NLGN1: variants seen among roughly 807,000 people sequenced by gnomAD.
NLGN1 encodes neuroligin 1.
A neutral mutation model predicts 65.5 loss-of-function variants in NLGN1; 12 were observed. The observed-to-expected ratio is 0.18, with a 90% confidence interval of 0.12 to 0.30. The LOEUF is 0.30. Ranked by LOEUF, NLGN1 falls within the 10% of genes least tolerant of loss-of-function variation. The pLI is 1.00. For missense variants in NLGN1, 750 were observed against 1,007.1 expected (o/e 0.74, Z 3.46); for synonymous variants, 350 against 359.5 (o/e 0.97, Z 0.30).
intron 4 of NLGN1, among the ~76,000 whole-genome samples, chr3:173,907,827 C>T (rs1209519209): frequency 6.6e-6 from 1 of 151,720 alleles, no homozygotes. Flanking sequence ...TCAGGTGATC[C>T]ACCCGCCTCA....
At chr3:174,159,726 T>A (rs531406719) in intron 4 of NLGN1, among the ~76,000 whole-genome samples, 2 of 151,768 alleles carry the variant, frequency 1.3e-5, no homozygotes, top group African/African-American at 4.8e-5. Context: ...TTCCACAGTT[T>A]ATTTGTACTA....
At chr3:174,288,189 A>G (rs2152902026), downstream of NLGN1, among the ~76,000 whole-genome samples, 1 of 151,626 alleles carries the variant, frequency 6.6e-6, no homozygotes, top group South Asian at 2.1e-4. Flanking sequence ...CTTGAGTTCA[A>G]AAAAAATTAG....
chr3:173,865,554 A>T (rs555395339), intron 4 of NLGN1, among the ~76,000 whole-genome samples: 4 of 152,302 alleles, frequency 2.6e-5, no homozygotes, highest in African/African-American at 9.6e-5. Flanking sequence ...CTTACGGATA[A>T]AAACTTGCAG....
chr3:173,805,589 G>C (rs968474728), intron 3 of NLGN1, among the ~76,000 whole-genome samples: 2 of 152,048 alleles, frequency 1.3e-5, no homozygotes, highest in African/African-American at 4.8e-5. Context: ...TTGTTTTCCA[G>C]GTGAACAGAA....
chr3:173,636,593 T>A (rs1313744078), intron 3 of NLGN1, among the ~76,000 whole-genome samples: 1 of 152,154 alleles, frequency 6.6e-6, no homozygotes, highest in Non-Finnish European at 1.5e-5. Context: ...TGGTATGATA[T>A]AACTAAAATT....
chr3:174,272,868 T>TTACTC (rs1749731804), intron 4 of NLGN1, among the ~76,000 whole-genome samples: 1 of 151,640 alleles, frequency 6.6e-6, no homozygotes, highest in South Asian at 2.1e-4. Flanking sequence ...ACCCAATGAT[T>TTACTC]TACTCTACTT....
At chr3:173,735,205 C>T (rs1773548143) in intron 3 of NLGN1, among the ~76,000 whole-genome samples, 1 of 152,046 alleles carries the variant, frequency 6.6e-6, no homozygotes, top group South Asian at 2.1e-4. Flanking sequence ...CACTCAAATT[C>T]CAACTACTGT....
intron 3 of NLGN1, among the ~76,000 whole-genome samples, chr3:173,747,382 A>G (rs1775627567): frequency 6.8e-6 from 1 of 146,430 alleles, no homozygotes; most frequent in African/African-American, 2.5e-5. Flanking sequence ...ATATACTTAA[A>G]GATATATATA....
chr3:173,708,879 A>C (rs917683326), intron 3 of NLGN1, among the ~76,000 whole-genome samples: 3 of 152,234 alleles, frequency 2.0e-5, no homozygotes, highest in African/African-American at 7.2e-5. Flanking sequence ...GCTTTAGGAA[A>C]AAGTAAAGCT....
intron 2 of NLGN1, among the ~76,000 whole-genome samples, chr3:173,463,216 C>T (rs1023148980): frequency 1.3e-5 from 2 of 152,160 alleles, no homozygotes; most frequent in Non-Finnish European, 2.9e-5. Context: ...ATTAACTATT[C>T]TGAATAATTC....
chr3:173,814,967 T>C (rs1001542009), intron 4 of NLGN1, among the ~76,000 whole-genome samples: 15 of 152,114 alleles, frequency 9.9e-5, no homozygotes, highest in African/African-American at 3.6e-4. Context: ...AACATTCAAG[T>C]TTCCATTTCT....
chr3:173,866,738 C>T (rs1441810501), intron 4 of NLGN1, among the ~76,000 whole-genome samples: 1 of 152,074 alleles, frequency 6.6e-6, no homozygotes, highest in Non-Finnish European at 1.5e-5. Flanking sequence ...ACCAATTTTT[C>T]AATAAAGCCA....
intron 4 of NLGN1, among the ~76,000 whole-genome samples, chr3:173,986,288 G>A (rs1719902262): frequency 6.6e-6 from 1 of 151,854 alleles, no homozygotes; most frequent in Non-Finnish European, 1.5e-5. Context: ...CCAACATGGT[G>A]AAACCACGTC....
At chr3:174,146,558 T>C (rs1282290538) in intron 4 of NLGN1, among the ~76,000 whole-genome samples, 1 of 152,078 alleles carries the variant, frequency 6.6e-6, no homozygotes, top group Non-Finnish European at 1.5e-5. Context: ...TTATAAAATA[T>C]CTGACATGAA....
chr3:174,182,326 G>A (rs1730600150), intron 4 of NLGN1, among the ~76,000 whole-genome samples: 1 of 152,022 alleles, frequency 6.6e-6, no homozygotes, highest in Non-Finnish European at 1.5e-5. Flanking sequence ...TCCCTATTTT[G>A]AAAATAAATC....
intron 4 of NLGN1, among the ~76,000 whole-genome samples, chr3:174,202,332 A>G (rs1330090110): frequency 6.6e-6 from 1 of 152,108 alleles, no homozygotes; most frequent in Non-Finnish European, 1.5e-5. Context: ...GCAGGTTCCC[A>G]GTGTAGATAG....
chr3:174,179,803 T>C (rs1293841556), intron 4 of NLGN1, among the ~76,000 whole-genome samples: 1 of 152,106 alleles, frequency 6.6e-6, no homozygotes, highest in African/African-American at 2.4e-5. Context: ...AGTTGAAGAA[T>C]AGAACTTTAA....
intron 4 of NLGN1, among the ~76,000 whole-genome samples, chr3:173,881,917 A>G (rs1236328007): frequency 6.6e-6 from 1 of 152,228 alleles, no homozygotes; most frequent in African/African-American, 2.4e-5. Context: ...TACTTTGCCC[A>G]GATTCGTCAG....
chr3:173,450,698 A>G (rs549624450), intron 2 of NLGN1, among the ~76,000 whole-genome samples: 1 of 152,294 alleles, frequency 6.6e-6, no homozygotes, highest in Admixed American at 6.5e-5. Context: ...TTCAGGTACA[A>G]CAATCAGACG....
Sources: gnomAD v4.1 joint callset for allele counts (sites outside exome capture counted in the v4.1 genomes callset) on GRCh38, gnomAD v4.1.1 for gene constraint, MANE v1.5 for transcripts, NCBI Gene and HGNC (gene_info 2026-07-23, HGNC 2026-07-21) for gene names.